The following DZIP3 variants were observed in gnomAD, a reference collection of about 807,000 sequenced individuals.
DZIP3 encodes E3 ubiquitin-protein ligase DZIP3.
DZIP3 carries 118 observed loss-of-function variants against 162.0 expected under a neutral mutation model. The ratio of observed to expected loss-of-function variants is 0.73; its 90% CI spans 0.63 to 0.85. The LOEUF (loss-of-function observed/expected upper bound fraction) is 0.85. Among genes scored for constraint, DZIP3 ranks in the 40% least tolerant of loss-of-function variants. DZIP3 has a pLI of 0.00. For synonymous variants in DZIP3, 438 were observed against 458.6 expected, an observed-to-expected ratio of 0.96 and a Z score of 0.57; for missense variants, 1,331 against 1,407.0, an observed-to-expected ratio of 0.95 and a Z score of 0.86.
At chr3:108,651,901 A>G (rs1402784920) in intron 18 of DZIP3, among the ~76,000 whole-genome samples, 1 of 151,848 alleles carries the variant, frequency 6.6e-6, no homozygotes, top group Non-Finnish European at 1.5e-5. Flanking sequence ...AAACAGCAGT[A>G]AGATCATATT....
In DZIP3 at chr3:108,684,308, C is replaced by T. The variant is rs763386337; in HGVS notation, c.2976C>T (p.Val992=). The change falls in exon 27 of 33, where the codon GTC becomes GTT. Residue 992 remains valine, a synonymous_variant. Coordinates refer to ENST00000361582, the MANE Select transcript of DZIP3 (RefSeq NM_014648.4). ...AAATGCCTGCAGTTTGCCCGGGAGT[C>T]GTCTCTGCAACTGGCCAACCTAGAG... is the stretch of plus-strand genomic sequence containing the variant. ...VPQMPAVCPG[V]VSATGQPRAP... The T allele has an allele frequency of 2.4e-5, 38 of 1,612,744 alleles. No homozygotes were observed. Among genetic ancestry groups the T allele is most frequent in the Admixed American group, 3.3e-5 (2 of 59,900 alleles).
intron 27 of DZIP3, among the ~76,000 whole-genome samples, chr3:108,685,151 G>GT (rs1944452638): frequency 6.6e-6 from 1 of 152,044 alleles, no homozygotes; most frequent in South Asian, 2.1e-4. Flanking sequence ...AAACAAATCT[G>GT]TATATAGTCC....
At chr3:108,668,207 G>A (rs1002022804) in intron 21 of DZIP3, among the ~76,000 whole-genome samples, 1 of 151,974 alleles carries the variant, frequency 6.6e-6, no homozygotes, top group Non-Finnish European at 1.5e-5. Context: ...CTTAACTTTG[G>A]ATAAACTACA....
intron 6 of DZIP3, among the ~76,000 whole-genome samples, chr3:108,625,537 A>G (rs368698533): frequency 6.6e-6 from 1 of 152,198 alleles, no homozygotes; most frequent in Non-Finnish European, 1.5e-5. Context: ...TGACACTATC[A>G]GTGTGCACCA....
chr3:108,680,618 T>C (rs190713173), intron 26 of DZIP3, among the ~76,000 whole-genome samples: 2 of 152,188 alleles, frequency 1.3e-5, no homozygotes, highest in Admixed American at 1.3e-4. Context: ...TATCAAACAT[T>C]GGTGAAAGAA....
intron 14 of DZIP3, among the ~76,000 whole-genome samples, chr3:108,645,923 T>G (rs551326514): frequency 3.3e-5 from 5 of 152,324 alleles, no homozygotes; most frequent in Admixed American, 3.3e-4. Context: ...TTCATGAGAA[T>G]AGAGTATTTG....
chr3:108,674,548 C>T (rs758508742), intron 24 of DZIP3, among the ~76,000 whole-genome samples: 2 of 151,820 alleles, frequency 1.3e-5, no homozygotes, highest in East Asian at 1.9e-4. Context: ...CAGAGACATA[C>T]GTGAACACCA....
rs754470894 is a variant in DZIP3 at position 108,688,802 on chromosome 3, C to T, written c.3415-21C>T. The T allele has an allele frequency of 3.7e-6, 6 of 1,613,818 alleles. No individual in the cohort carries two copies. In the African/African-American group the frequency reaches 4.0e-5, roughly 11 times the overall value. On this transcript the variant is annotated intron_variant, in intron 30 of 32. Coordinates refer to ENST00000361582, the MANE Select transcript of DZIP3 (RefSeq NM_014648.4). ...GGAGAAAACAATGAGCTAAATTTAA[C>T]ATTTTCTGTATTTTCCCTAGGATGA...
chr3:108,608,184 A>G (rs752110465), intron 3 of DZIP3, 26 bp downstream of exon 3: 2 of 1,508,514 alleles, frequency 1.3e-6, no homozygotes, highest in Non-Finnish European at 1.8e-6. Context: ...ATTTTCATTA[A>G]CTGTTAGTTA....
chr3:108,692,978 T>A (rs1944754782), intron 32 of DZIP3, among the ~76,000 whole-genome samples: 1 of 150,882 alleles, frequency 6.6e-6, no homozygotes, highest in African/African-American at 2.4e-5. Context: ...TGCTGTTCTC[T>A]TGTCAATCTG....
intron 32 of DZIP3, 79 bp downstream of exon 32, chr3:108,690,982 C>A: frequency 8.3e-7 from 1 of 1,210,848 alleles, no homozygotes; most frequent in Non-Finnish European, 1.2e-6. Context: ...ACTATGTGCT[C>A]TTCAATATAG....
chr3:108,642,133 G>A (rs1243814385), intron 12 of DZIP3, among the ~76,000 whole-genome samples: 1 of 151,956 alleles, frequency 6.6e-6, no homozygotes, highest in Non-Finnish European at 1.5e-5. Flanking sequence ...TGCTTTTTTT[G>A]TCTTACAATG....
intron 1 of DZIP3, among the ~76,000 whole-genome samples, chr3:108,599,164 CA>C (rs1394509541): frequency 6.6e-6 from 1 of 152,138 alleles, no homozygotes; most frequent in Non-Finnish European, 1.5e-5. Flanking sequence ...CTGGTTTAAG[CA>C]GATATATTGC....
intron 31 of DZIP3, among the ~76,000 whole-genome samples, chr3:108,689,439 T>TCTAA (rs1160053592): frequency 6.6e-6 from 1 of 152,144 alleles, no homozygotes; most frequent in Non-Finnish European, 1.5e-5. Context: ...ATCCCAGCAC[T>TCTAA]TTAGGAGGCT....
At chr3:108,623,949 C>T (rs958910100) in intron 5 of DZIP3, among the ~76,000 whole-genome samples, 3 of 152,198 alleles carry the variant, frequency 2.0e-5, no homozygotes, top group African/African-American at 7.2e-5. Flanking sequence ...TTCCCCCAAG[C>T]GCAGATTCTC....
intron 3 of DZIP3, 29 bp downstream of exon 3, chr3:108,608,187 G>A (rs1559722142): frequency 3.4e-6 from 5 of 1,460,636 alleles, no homozygotes; most frequent in East Asian, 2.3e-5. Flanking sequence ...TTCATTAACT[G>A]TTAGTTAATT....
chr3:108,677,652 A>G lies in DZIP3; in HGVS notation c.2883+54A>G, dbSNP rs1944162162. On this transcript the variant is annotated intron_variant, in intron 26 of 32. Transcript: ENST00000361582. ...CCCTTTTCATTTTGACAAAATGGTA[A>G]GGGCTGTGAAACACTGAATATGCAG... 9 of 1,479,616 alleles carry G rather than the reference A, an allele frequency of 6.1e-6. No individual in the cohort carries two copies. In the Admixed American group the frequency reaches 1.5e-4, roughly 25 times the overall value. 91.7% of individuals were successfully genotyped at this position (1,479,616 alleles called of 1,614,324 possible). A position where few individuals can be genotyped will look rare whatever the true frequency, so the allele number is the denominator to read the frequency against.
intron 7 of DZIP3, 37 bp from the exon 8 acceptor site, chr3:108,629,025 C>A: frequency 7.5e-7 from 1 of 1,335,044 alleles, no homozygotes; most frequent in Non-Finnish European, 1.0e-6. Flanking sequence ...TCTACACAGT[C>A]CCGTTCAAAC....
chr3:108,600,527 A>G (rs1939948919), intron 1 of DZIP3, among the ~76,000 whole-genome samples: 2 of 152,144 alleles, frequency 1.3e-5, no homozygotes, highest in African/African-American at 4.8e-5. Flanking sequence ...CTTTTGTGTC[A>G]TGTGATGTAT....
Sources: gnomAD v4.1 joint callset for allele counts (sites outside exome capture counted in the v4.1 genomes callset) on GRCh38, gnomAD v4.1.1 for gene constraint, MANE v1.5 for transcripts, NCBI Gene and HGNC (gene_info 2026-07-23, HGNC 2026-07-21) for gene names.